YES1: variants seen among roughly 807,000 people sequenced by gnomAD.
YES1 encodes the protein YES proto-oncogene 1, Src family tyrosine kinase.
In YES1, 39 loss-of-function variants were observed where a neutral mutation model predicts 70.4. The observed-to-expected ratio is 0.55, with a 90% CI of 0.43 to 0.72. The LOEUF is 0.72. YES1 is among the 30% of genes least tolerant of loss of function. YES1 has a pLI of 0.00. For missense variants in YES1, 495 were observed against 644.8 expected (o/e 0.77, Z 2.52); for synonymous variants, 198 against 218.6 (o/e 0.91, Z 0.83).
chr18:808,663 T>C (rs949995324), intron 1 of YES1, among the ~76,000 whole-genome samples: 1 of 152,196 alleles, frequency 6.6e-6, no homozygotes, highest in Non-Finnish European at 1.5e-5. Context: ...ATAACATGAC[T>C]GAAAGTTCCT....
rs773025552 is a variant in YES1, at chr18:736,955, C to T, written c.1144G>A (p.Asp382Asn). The change falls in exon 10 of 12, where the codon GAT becomes AAT. Residue 382 changes from aspartate (D) to asparagine (N), a missense_variant. By Grantham distance (23) the Asp-to-Asn change is conservative. Around this residue, in one of 2 missense-constraint regions of YES1, gnomAD observed 385 missense variants for 540.9 expected, o/e 0.71. Transcript: ENST00000314574. Reference sequence around the variant, plus strand: ...ATTCTTTCAATATATGCCATACCATCAGCAATCTTGGAAAGAGAAAAACAA... The same window carrying T: ...ATTCTTTCAATATATGCCATACCATTAGCAATCTTGGAAAGAGAAAAACAA... Reference protein sequence around the residue: ...QLVDMAAQIADGMAYIERMNY... With the variant: ...QLVDMAAQIANGMAYIERMNY... 3 of 1,604,546 alleles carry T rather than the reference C, an allele frequency of 1.9e-6. No homozygotes were observed. The highest frequency in any genetic ancestry group is 2.5e-6 in the Non-Finnish European group (3 of 1,178,446).
At position 755,167 on chromosome 18, in the gene YES1, A is replaced by G. The variant is rs573657519; in HGVS notation, c.271+1390T>C. ...AAGTATTCAGAATTAGGGGGCTGGAATTAAGACTGTAATTGACTTAACATG... is the reference window on the plus strand; with the variant it reads ...AAGTATTCAGAATTAGGGGGCTGGAGTTAAGACTGTAATTGACTTAACATG... On this transcript the variant is annotated intron_variant, in intron 2 of 11. Transcript: ENST00000314574. Among the ~76,000 whole-genome samples the G allele has an allele frequency of 1.2e-4, 18 of 152,314 alleles. 1 individual carries two copies. Among genetic ancestry groups the G allele is most frequent in the South Asian group, 1.0e-3 (5 of 4,824 alleles).
chr18:771,889 A>G (rs1905174337), intron 1 of YES1, among the ~76,000 whole-genome samples: 1 of 152,128 alleles, frequency 6.6e-6, no homozygotes, highest in Non-Finnish European at 1.5e-5. Flanking sequence ...CTAAACATTT[A>G]TACTCAGCTT....
chr18:766,057 T>G (rs1024037520), intron 1 of YES1, among the ~76,000 whole-genome samples: 1 of 152,246 alleles, frequency 6.6e-6, no homozygotes, highest in African/African-American at 2.4e-5. Context: ...TCAAATACAG[T>G]TGCCACTTGG....
intron 1 of YES1, among the ~76,000 whole-genome samples, chr18:798,343 A>G (rs752803964): frequency 6.6e-6 from 1 of 152,256 alleles, no homozygotes; most frequent in Non-Finnish European, 1.5e-5. Context: ...TTTCTGAAAC[A>G]TCGGTCATTG....
intron 2 of YES1, among the ~76,000 whole-genome samples, chr18:756,282 T>TGG (rs5822577): frequency 0.05 from 7,495 of 149,124 alleles, 450 homozygotes; most frequent in African/African-American, 0.14. Flanking sequence ...GTGCCTACAG[T>TGG]GGGGGGGGGC....
chr18:728,162 CCT>C (rs1247877095), intron 11 of YES1, among the ~76,000 whole-genome samples: 1 of 151,906 alleles, frequency 6.6e-6, no homozygotes, highest in East Asian at 1.9e-4. Context: ...ATGGTGAGAC[CCT>C]GTCTCTACAA....
chr18:741,788 C>T (rs1288380431), intron 8 of YES1, among the ~76,000 whole-genome samples: 3 of 151,860 alleles, frequency 2.0e-5, no homozygotes, highest in Non-Finnish European at 4.4e-5. Context: ...AGAGTGAGGC[C>T]CCACCTCACA....
In YES1 at chr18:722,025, C is replaced by A. The variant is rs891069496; in HGVS notation, c.*2399G>T. On this transcript the variant is annotated 3_prime_UTR_variant, in exon 12 of 12. Coordinates refer to ENST00000314574, the MANE Select transcript of YES1 (RefSeq NM_005433.4). ...AATACACATTAAGTTAGTGTTTTATCCCTACTATACAATTGTTATTATATA... is the reference window on the plus strand; with the variant it reads ...AATACACATTAAGTTAGTGTTTTATACCTACTATACAATTGTTATTATATA... 1.3e-5 allele frequency: 2 copies of A among 152,596 alleles called. No individual in the cohort carries two copies. Among genetic ancestry groups the A allele is most frequent in the African/African-American group, 4.8e-5 (2 of 41,440 alleles). 9.5% of individuals were successfully genotyped at this position (152,596 alleles called of 1,614,324 possible).
At chr18:785,955 T>C (rs562049465) in intron 1 of YES1, among the ~76,000 whole-genome samples, 12 of 152,156 alleles carry the variant, frequency 7.9e-5, no homozygotes, top group African/African-American at 2.6e-4. Context: ...AGTTTCTCTC[T>C]CTCCCTCACT....
chr18:734,687 A>T (rs980912623), intron 10 of YES1, among the ~76,000 whole-genome samples: 1 of 143,600 alleles, frequency 7.0e-6, no homozygotes, highest in African/African-American at 2.6e-5. Context: ...ATGAATAAGT[A>T]AAAAAAAAAA....
chr18:724,849 A>G (rs1275273105), intron 11 of YES1, among the ~76,000 whole-genome samples: 1 of 152,194 alleles, frequency 6.6e-6, no homozygotes, highest in East Asian at 1.9e-4. Flanking sequence ...ATTCCATCTT[A>G]TATCTTATTT....
At chr18:807,126 C>T (rs755222562) in intron 1 of YES1, among the ~76,000 whole-genome samples, 9 of 152,030 alleles carry the variant, frequency 5.9e-5, no homozygotes, top group Non-Finnish European at 1.2e-4. Flanking sequence ...AAAAATTAGC[C>T]AGGCATGCTC....
chr18:764,058 T>G (rs1598916737), intron 1 of YES1, among the ~76,000 whole-genome samples: 1 of 149,454 alleles, frequency 6.7e-6, no homozygotes, highest in Middle Eastern at 3.5e-3. Context: ...AGGCGGAGCT[T>G]GCAGTGAGCC....
intron 1 of YES1, among the ~76,000 whole-genome samples, chr18:795,116 G>C (rs1906472380): frequency 6.6e-6 from 1 of 152,148 alleles, no homozygotes; most frequent in African/African-American, 2.4e-5. Context: ...CAGGTACTGA[G>C]GGTTAGGACC....
intron 1 of YES1, among the ~76,000 whole-genome samples, chr18:809,300 G>A (rs1299241407): frequency 6.6e-6 from 1 of 151,908 alleles, no homozygotes; most frequent in Non-Finnish European, 1.5e-5. Context: ...ACATTTCGGA[G>A]TATTTGACTT....
At chr18:783,621 T>C (rs1236116035) in intron 1 of YES1, among the ~76,000 whole-genome samples, 59 of 150,738 alleles carry the variant, frequency 3.9e-4, no homozygotes, top group Non-Finnish European at 4.4e-4. Context: ...TTTTCTCTTT[T>C]TTTTTTTTTT....
upstream of YES1, among the ~76,000 whole-genome samples, chr18:812,712 C>G (rs7233932): frequency 0.37 from 56,403 of 152,058 alleles, 11,091 homozygotes; most frequent in African/African-American, 0.49. Context: ...CGCTCCGATT[C>G]TGCCCCTCTG....
At chr18:766,244 A>G (rs530550486) in intron 1 of YES1, among the ~76,000 whole-genome samples, 1 of 152,280 alleles carries the variant, frequency 6.6e-6, no homozygotes, top group African/African-American at 2.4e-5. Flanking sequence ...TGGCTAGTTG[A>G]GCCATGAGCA....
Sources: gnomAD v4.1 joint callset for allele counts (sites outside exome capture counted in the v4.1 genomes callset) on GRCh38, gnomAD v4.1.1 for gene constraint, gnomAD v4.1.1 regional missense constraint, MANE v1.5 for transcripts, NCBI Gene and HGNC (gene_info 2026-07-23, HGNC 2026-07-21) for gene names.